PRKACB: variants seen among roughly 807,000 people sequenced by gnomAD.
PRKACB encodes the protein protein kinase cAMP-activated catalytic subunit beta.
PRKACB carries 16 observed loss-of-function variants against 51.4 expected under a neutral mutation model. The ratio of observed to expected loss-of-function variants is 0.31; its 90% CI spans 0.21 to 0.47. The LOEUF is 0.47. Among genes scored for constraint, PRKACB ranks in the 20% least tolerant of loss-of-function variants. The pLI is 1.00. For synonymous variants in PRKACB, 147 were observed against 154.4 expected (o/e 0.95, Z 0.35); for missense variants, 309 against 464.5 (o/e 0.67, Z 3.08).
At chr1:84,123,183 A>G (rs887304289) in intron 1 of PRKACB, among the ~76,000 whole-genome samples, 1 of 152,226 alleles carries the variant, frequency 6.6e-6, no homozygotes, top group South Asian at 2.1e-4. Flanking sequence ...TTATTGGAAT[A>G]GAATACCACA....
chr1:84,163,119 G>GT lies in PRKACB; in HGVS notation c.188-16056dup, dbSNP rs1160507324. 2.6e-5 allele frequency among the ~76,000 whole-genome samples: 4 copies of GT among 152,180 alleles called. No homozygotes were observed. In the East Asian group the frequency reaches 7.7e-4, roughly 29 times the overall value. ...ATTGTTATTTAATGATTGATCAGAG[G>GT]TTGTACTCAAACACTGGGACCAGCC... On this transcript the variant is annotated intron_variant, in intron 1 of 9. Transcript: ENST00000370685.
intron 1 of PRKACB, among the ~76,000 whole-genome samples, chr1:84,091,031 T>C (rs942780399): frequency 1.3e-5 from 2 of 152,116 alleles, no homozygotes; most frequent in African/African-American, 4.8e-5. Context: ...CCTTTTCCCT[T>C]CACTTTCAGT....
At chr1:84,167,835 A>G (rs1658023542) in intron 1 of PRKACB, among the ~76,000 whole-genome samples, 1 of 151,530 alleles carries the variant, frequency 6.6e-6, no homozygotes, top group South Asian at 2.1e-4. Flanking sequence ...TCCTTTATCA[A>G]CTTTGTAGGA....
chr1:84,228,761 A>AT (rs1267159859), intron 9 of PRKACB, among the ~76,000 whole-genome samples: 1 of 152,198 alleles, frequency 6.6e-6, no homozygotes, highest in Non-Finnish European at 1.5e-5. Context: ...AAGGAAAGCA[A>AT]TTAAAAGTAA....
chr1:84,230,426 G>A (rs1487037694), intron 9 of PRKACB, among the ~76,000 whole-genome samples: 1 of 152,038 alleles, frequency 6.6e-6, no homozygotes, highest in East Asian at 1.9e-4. Flanking sequence ...GCTCTTTTTT[G>A]GTTCCATATG....
At chr1:84,181,636 G>C in intron 2 of PRKACB, 2 of 1,393,106 alleles carry the variant, frequency 1.4e-6, no homozygotes, top group South Asian at 3.0e-5. Flanking sequence ...ATAATATAAA[G>C]AGAGAAAGCC....
At chr1:84,179,379 A>G (rs1018488539) in intron 2 of PRKACB, 141 bp downstream of exon 2, 3 of 1,047,862 alleles carry the variant, frequency 2.9e-6, no homozygotes, top group Non-Finnish European at 3.9e-6. Context: ...GAATTTTGCC[A>G]TAGTTATACT....
At chr1:84,229,030 A>G (rs1328329817) in intron 9 of PRKACB, among the ~76,000 whole-genome samples, 1 of 146,656 alleles carries the variant, frequency 6.8e-6, no homozygotes. Context: ...CGCTGCACCC[A>G]CTAACTCGTC....
chr1:84,115,264 A>C (rs182345821), intron 1 of PRKACB, among the ~76,000 whole-genome samples: 254 of 149,706 alleles, frequency 1.7e-3, no homozygotes, highest in Non-Finnish European at 2.9e-3. Flanking sequence ...TAAGGTTTTG[A>C]TTTGAATTTC....
chr1:84,147,790 A>G (rs1654304239), intron 1 of PRKACB, among the ~76,000 whole-genome samples: 1 of 152,102 alleles, frequency 6.6e-6, no homozygotes, highest in Admixed American at 6.5e-5. Context: ...ATTTGAAAAT[A>G]TGAACATTTA....
At chr1:84,103,244 G>T (rs181002260) in intron 1 of PRKACB, among the ~76,000 whole-genome samples, 15 of 152,050 alleles carry the variant, frequency 9.9e-5, no homozygotes, top group Non-Finnish European at 1.8e-4. Context: ...ACTGAATCTG[G>T]GCTGGGTTTC....
chr1:84,213,560 C>CT (rs1448946783), intron 8 of PRKACB, among the ~76,000 whole-genome samples: 1 of 152,100 alleles, frequency 6.6e-6, no homozygotes, highest in Non-Finnish European at 1.5e-5. Flanking sequence ...TAGAAAAATG[C>CT]TTTTAAACCA....
intron 9 of PRKACB, among the ~76,000 whole-genome samples, chr1:84,230,804 G>C (rs2101692673): frequency 1.3e-5 from 2 of 148,556 alleles, no homozygotes; most frequent in Non-Finnish European, 1.5e-5. Flanking sequence ...CTTTGCTGAA[G>C]TTGCTTATCA....
intron 1 of PRKACB, chr1:84,085,896 A>G (rs1336029880): frequency 1.6e-6 from 1 of 642,940 alleles, no homozygotes; most frequent in Non-Finnish European, 2.9e-6. Context: ...CCCAGACCAT[A>G]TACACCACCA....
In PRKACB at chr1:84,238,146, A is replaced by C. The variant is rs1047869693; in HGVS notation, c.*2841A>C. ...AATACCCAGTTGAATCAAACTGTCA[A>C]CCTACCAAAAACGATATTGTGGCTT... On this transcript the variant is annotated 3_prime_UTR_variant, in exon 10 of 10. Coordinates refer to ENST00000370685, the MANE Select transcript of PRKACB (RefSeq NM_182948.4). 1 of 152,312 alleles carries C rather than the reference A, an allele frequency of 6.6e-6. No homozygotes were observed. The highest frequency in any genetic ancestry group is 1.5e-5 in the Non-Finnish European group (1 of 67,970). The allele number at this position is 152,312 out of a possible 1,614,324, so 9.4% of individuals were successfully genotyped here. A position where few individuals can be genotyped will look rare whatever the true frequency, so the allele number is the denominator to read the frequency against.
rs143862850 is a variant in PRKACB at position 84,153,765 on chromosome 1, T to C, written c.187+9217T>C. ...GAATTTCCTTCTTTCTTAAGGTTGA[T>C]AGTGTATTCCAGTGTGTAGAATACC... On this transcript the variant is annotated intron_variant, in intron 1 of 9. Transcript: ENST00000370685. Among the ~76,000 whole-genome samples the C allele has an allele frequency of 6.2e-4, 95 of 152,306 alleles. 1 individual carries two copies. The highest frequency in any genetic ancestry group is 2.3e-3 in the African/African-American group (94 of 41,576).
At chr1:84,175,309 A>G (rs1004180405) in intron 1 of PRKACB, among the ~76,000 whole-genome samples, 3 of 151,788 alleles carry the variant, frequency 2.0e-5, no homozygotes, top group Admixed American at 2.0e-4. Flanking sequence ...TGTACAAAGT[A>G]GTAGAAGAAA....
At chr1:84,188,788 A>T (rs545306484) in intron 5 of PRKACB, among the ~76,000 whole-genome samples, 3 of 151,956 alleles carry the variant, frequency 2.0e-5, no homozygotes, top group Non-Finnish European at 4.4e-5. Context: ...TCCCAAAGCT[A>T]ATTCTAGATT....
At chr1:84,214,492 A>ATTT (rs200259148) in intron 9 of PRKACB, among the ~76,000 whole-genome samples, 175 bp downstream of exon 9, 1,743 of 136,730 alleles carry the variant, frequency 0.013, 47 homozygotes, top group African/African-American at 0.044. Context: ...TCCCCCTAGA[A>ATTT]TTTTTTTTTT....
Sources: allele counts gnomAD v4.1 joint callset (sites outside exome capture counted in the v4.1 genomes callset), GRCh38; gene constraint gnomAD v4.1.1; transcripts MANE v1.5; gene names NCBI Gene and HGNC (gene_info 2026-07-23, HGNC 2026-07-21).